SUPT3H: variants seen among roughly 807,000 people sequenced by gnomAD.
SUPT3H encodes transcription initiation protein SPT3 homolog.
In SUPT3H, 44 loss-of-function variants were observed where a neutral mutation model predicts 44.3. The ratio of observed to expected loss-of-function variants is 0.99; its 90% confidence interval spans 0.78 to 1.28. SUPT3H has a LOEUF of 1.28. Among genes scored for constraint, SUPT3H ranks in the 50% most tolerant of loss-of-function variants. The pLI, the probability that SUPT3H is intolerant of heterozygous loss-of-function variation, is 0.00. For missense variants in SUPT3H, 380 were observed against 387.1 expected, an observed-to-expected ratio of 0.98 and a Z score of 0.15; for synonymous variants, 124 against 125.6, an observed-to-expected ratio of 0.99 and a Z score of 0.09.
chr6:45,000,361 A>C (rs1245857342), intron 6 of SUPT3H, among the ~76,000 whole-genome samples: 1 of 151,996 alleles, frequency 6.6e-6, no homozygotes, highest in Non-Finnish European at 1.5e-5. Context: ...GAAATAAATC[A>C]TGATAGGTAG....
At chr6:44,969,054 G>A (rs1051372945) in intron 6 of SUPT3H, among the ~76,000 whole-genome samples, 4 of 152,006 alleles carry the variant, frequency 2.6e-5, no homozygotes, top group African/African-American at 7.3e-5. Flanking sequence ...AAGGTCTTGC[G>A]TAGGTCCCAC....
At chr6:45,002,016 T>C (rs969943764) in intron 6 of SUPT3H, among the ~76,000 whole-genome samples, 4 of 152,114 alleles carry the variant, frequency 2.6e-5, no homozygotes, top group African/African-American at 7.2e-5. Flanking sequence ...TACTCTGTTA[T>C]GTTGGCCAGA....
chr6:45,130,548 G>A (rs956947081), intron 2 of SUPT3H, among the ~76,000 whole-genome samples: 2 of 151,838 alleles, frequency 1.3e-5, no homozygotes, highest in Non-Finnish European at 1.5e-5. Flanking sequence ...GGGATGGTAG[G>A]TCCATGTGTC....
chr6:44,858,297 A>G (rs1314460423), intron 10 of SUPT3H, among the ~76,000 whole-genome samples: 1 of 152,220 alleles, frequency 6.6e-6, no homozygotes. Flanking sequence ...AATGATGACA[A>G]TGTTACTAAT....
chr6:44,955,690 C>T (rs555644705), intron 7 of SUPT3H, among the ~76,000 whole-genome samples: 1 of 152,092 alleles, frequency 6.6e-6, no homozygotes, highest in South Asian at 2.1e-4. Flanking sequence ...GACGCAAAGG[C>T]ATAAGAATGA....
At chr6:44,936,288 T>C (rs1027383714) in intron 9 of SUPT3H, among the ~76,000 whole-genome samples, 3 of 152,226 alleles carry the variant, frequency 2.0e-5, no homozygotes, top group African/African-American at 7.2e-5. Flanking sequence ...CATTTAAAAG[T>C]TTGAGATGGT....
chr6:44,936,098 CTACTAT>C (rs3839582), intron 9 of SUPT3H, among the ~76,000 whole-genome samples: 17,356 of 152,116 alleles, frequency 0.11, 1,358 homozygotes, highest in East Asian at 0.27. Flanking sequence ...AAGTCTAGTA[CTACTAT>C]TACTAACATT....
At chr6:45,282,089 C>T (rs544017269) in intron 2 of SUPT3H, among the ~76,000 whole-genome samples, 35 of 152,206 alleles carry the variant, frequency 2.3e-4, no homozygotes, top group African/African-American at 7.7e-4. Flanking sequence ...CCCATCTGTA[C>T]GTCACTATCA....
rs181491503 is a variant in SUPT3H, at chr6:44,853,409, T to C, written c.913-23552A>G. Among the ~76,000 whole-genome samples, 166 of 152,252 alleles carry C rather than the reference T, an allele frequency of 1.1e-3. 2 individuals carry two copies. The Middle Eastern group carries it at 0.02, about 19-fold the overall frequency. ...ATGAGGTGGCTTATGCCTATAATCCTAGCACTTTGGGAGGTCAATGCAGAA... is the reference window on the plus strand; with the variant it reads ...ATGAGGTGGCTTATGCCTATAATCCCAGCACTTTGGGAGGTCAATGCAGAA... On this transcript the variant is annotated intron_variant, in intron 10 of 10. Coordinates refer to ENST00000371459, the MANE Select transcript of SUPT3H (RefSeq NM_003599.4).
At position 45,065,637 on chromosome 6, in the gene SUPT3H, G is replaced by A. The variant is rs915100192; in HGVS notation, c.186+40285C>T. Among the ~76,000 whole-genome samples, 182 of 150,878 alleles carry A rather than the reference G, an allele frequency of 1.2e-3. 2 individuals carry two copies. The highest frequency in any genetic ancestry group is 2.8e-3 in the African/African-American group (114 of 40,908). On this transcript the variant is annotated intron_variant, in intron 3 of 10. Transcript: ENST00000371459. ...AAATGATAAAGGGGATATCACCACC[G>A]ATCCCACAGAAATACAAACTACCAT...
At chr6:45,336,183 C>CT (rs11412392) in intron 2 of SUPT3H, among the ~76,000 whole-genome samples, 19,817 of 151,218 alleles carry the variant, frequency 0.13, 1,526 homozygotes, top group East Asian at 0.26. Flanking sequence ...AGAAGGAAAA[C>CT]TTAACATTTT....
rs539927121 is a variant in SUPT3H, at chr6:45,156,062, TA to T, written c.102-50057del. ...TGACCCATCTATGTTCTAGGGGATTTAAAAAAGAAGAAGAAAAAAGAAAATA... is the reference window on the plus strand; with the variant it reads ...TGACCCATCTATGTTCTAGGGGATTTAAAAAGAAGAAGAAAAAAGAAAATA... On this transcript the variant is annotated intron_variant, in intron 2 of 10. Coordinates refer to ENST00000371459, the MANE Select transcript of SUPT3H (RefSeq NM_003599.4). Among the ~76,000 whole-genome samples, 383 of 152,118 alleles carry T rather than the reference TA, an allele frequency of 2.5e-3. 4 individuals carry two copies. The highest frequency in any genetic ancestry group is 8.9e-3 in the African/African-American group (371 of 41,504).
At chr6:44,994,405 T>C (rs1781006652) in intron 6 of SUPT3H, among the ~76,000 whole-genome samples, 1 of 152,136 alleles carries the variant, frequency 6.6e-6, no homozygotes, top group African/African-American at 2.4e-5. Context: ...TTCTAAGACA[T>C]CATTCTACTA....
intron 6 of SUPT3H, among the ~76,000 whole-genome samples, chr6:44,987,275 C>T (rs1779945477): frequency 7.7e-6 from 1 of 129,502 alleles, no homozygotes; most frequent in South Asian, 2.4e-4. Flanking sequence ...GTCAGGGCTT[C>T]AACATATAAA....
chr6:44,896,606 A>G (rs192601944), intron 10 of SUPT3H, among the ~76,000 whole-genome samples: 74 of 152,286 alleles, frequency 4.9e-4, no homozygotes, highest in African/African-American at 1.7e-3. Flanking sequence ...TCACAACAAA[A>G]TTGGTTAACT....
Position 44,838,648 on chromosome 6 carries a change from A to G in SUPT3H, c.913-8791T>C, listed in dbSNP as rs539062175. ...ACACCAACCCAAACTACCTACCACT[A>G]AAGAGCTTATCCAAATTCAGGTCCG... On this transcript the variant is annotated intron_variant, in intron 10 of 10. Transcript: ENST00000371459. Among the ~76,000 whole-genome samples, 86 of 152,312 alleles carry G rather than the reference A, an allele frequency of 5.6e-4. No homozygotes were observed. The Middle Eastern group carries it at 0.01, about 18-fold the overall frequency.
At chr6:45,010,446 T>C (rs4714832) in intron 5 of SUPT3H, among the ~76,000 whole-genome samples, 51,495 of 152,006 alleles carry the variant, frequency 0.34, 9,588 homozygotes, top group Non-Finnish European at 0.41. Context: ...TCTTTTACCA[T>C]TAACTATGAT....
intron 2 of SUPT3H, among the ~76,000 whole-genome samples, chr6:45,341,077 A>G (rs1789676680): frequency 6.6e-6 from 1 of 152,180 alleles, no homozygotes; most frequent in Non-Finnish European, 1.5e-5. Context: ...TGCCTACCAA[A>G]AAAATACTGC....
chr6:44,961,676 G>C, intron 7 of SUPT3H, 77 bp downstream of exon 7: 1 of 1,165,034 alleles, frequency 8.6e-7, no homozygotes, highest in Admixed American at 2.2e-5. Context: ...CTAAGAAACA[G>C]ATCCTGTCAT....
Sources: allele counts gnomAD v4.1 joint callset (sites outside exome capture counted in the v4.1 genomes callset), GRCh38; gene constraint gnomAD v4.1.1; transcripts MANE v1.5; gene names NCBI Gene and HGNC (gene_info 2026-07-23, HGNC 2026-07-21).